The following ROBO1 variants were observed in gnomAD, a reference collection of about 807,000 sequenced individuals.
ROBO1 encodes the protein roundabout homolog 1.
Under a neutral mutation model 195.9 loss-of-function variants are expected in ROBO1, and 149 were observed. The ratio of observed to expected loss-of-function variants is 0.76; its 90% CI spans 0.67 to 0.87. The LOEUF is 0.87. Ranked by LOEUF, ROBO1 falls within the 40% of genes least tolerant of loss-of-function variation. ROBO1 has a pLI of 0.00. For missense variants in ROBO1, 1,933 were observed against 2,068.3 expected, an observed-to-expected ratio of 0.93 and a Z score of 1.27; for synonymous variants, 816 against 733.2, an observed-to-expected ratio of 1.11 and a Z score of -1.82.
intron 1 of ROBO1, among the ~76,000 whole-genome samples, chr3:79,608,018 T>C (rs920150608): frequency 2.0e-5 from 3 of 152,012 alleles, no homozygotes; most frequent in African/African-American, 7.2e-5. Context: ...ATTGATCAAT[T>C]AGTACGATTT....
intron 4 of ROBO1, among the ~76,000 whole-genome samples, chr3:78,853,228 G>A (rs926563391): frequency 3.1e-4 from 47 of 151,752 alleles, no homozygotes; most frequent in Non-Finnish European, 4.3e-4. Flanking sequence ...GTACGGGAGA[G>A]GTGATGGGAG....
chr3:79,738,920 G>A, intron 1 of ROBO1, among the ~76,000 whole-genome samples: 1 of 152,124 alleles, frequency 6.6e-6, no homozygotes, highest in East Asian at 1.9e-4. Flanking sequence ...ATAGAATGAT[G>A]TGCCAATTGC....
At chr3:78,655,465 G>A (rs895032196) in intron 18 of ROBO1, among the ~76,000 whole-genome samples, 1 of 152,220 alleles carries the variant, frequency 6.6e-6, no homozygotes, top group Non-Finnish European at 1.5e-5. Flanking sequence ...CACTTCAGAA[G>A]CCCCATGATA....
intron 2 of ROBO1, among the ~76,000 whole-genome samples, chr3:79,266,347 G>GCCAAT (rs1333217850): frequency 6.6e-6 from 1 of 151,560 alleles, no homozygotes; most frequent in Non-Finnish European, 1.5e-5. Flanking sequence ...GGAAAGTAAT[G>GCCAAT]CCAATTAAAA....
chr3:78,963,581 C>T (rs571941589), intron 3 of ROBO1, among the ~76,000 whole-genome samples: 1 of 126,776 alleles, frequency 7.9e-6, no homozygotes, highest in Non-Finnish European at 1.6e-5. Context: ...TGCAGTGGCG[C>T]GATCTCGGCT....
chr3:79,630,544 G>A (rs1255441899), intron 1 of ROBO1, among the ~76,000 whole-genome samples: 1 of 151,890 alleles, frequency 6.6e-6, no homozygotes, highest in Non-Finnish European at 1.5e-5. Context: ...TTGTGAATGG[G>A]AAAAATTTGA....
intron 1 of ROBO1, among the ~76,000 whole-genome samples, chr3:79,656,687 G>C (rs1946174244): frequency 6.6e-6 from 1 of 151,896 alleles, no homozygotes; most frequent in Non-Finnish European, 1.5e-5. Context: ...TTGAACCCAG[G>C]AGTTTGAGAC....
intron 8 of ROBO1, among the ~76,000 whole-genome samples, chr3:78,699,775 CCTT>C (rs1343861122): frequency 6.6e-6 from 1 of 151,952 alleles, no homozygotes; most frequent in African/African-American, 2.4e-5. Flanking sequence ...GCCCTACTGG[CCTT>C]CTTTCAGTCC....
intron 4 of ROBO1, among the ~76,000 whole-genome samples, chr3:78,856,203 C>T (rs148791290): frequency 6.7e-6 from 1 of 149,968 alleles, no homozygotes; most frequent in African/African-American, 2.5e-5. Flanking sequence ...TGTTTCTAGG[C>T]CTCATTATAC....
chr3:79,229,132 T>TA (rs1208672824), intron 2 of ROBO1, among the ~76,000 whole-genome samples: 1 of 152,182 alleles, frequency 6.6e-6, no homozygotes, highest in Non-Finnish European at 1.5e-5. Context: ...ACTTCCTTTC[T>TA]AAAAACAGCT....
At chr3:78,698,202 G>T (rs972041636) in intron 8 of ROBO1, among the ~76,000 whole-genome samples, 2 of 152,080 alleles carry the variant, frequency 1.3e-5, no homozygotes, top group African/African-American at 4.8e-5. Flanking sequence ...TCAAATACAA[G>T]AGCCCAAATT....
chr3:79,631,638 A>C (rs1462033467), intron 1 of ROBO1, among the ~76,000 whole-genome samples: 1 of 152,102 alleles, frequency 6.6e-6, no homozygotes, highest in African/African-American at 2.4e-5. Context: ...GACAAGTGGT[A>C]CTCAATTACT....
intron 2 of ROBO1, among the ~76,000 whole-genome samples, chr3:79,158,927 T>C (rs550218621): frequency 6.6e-6 from 1 of 152,080 alleles, no homozygotes; most frequent in South Asian, 2.1e-4. Flanking sequence ...CATTCCTATA[T>C]TTAAAATAGT....
intron 2 of ROBO1, among the ~76,000 whole-genome samples, chr3:79,574,065 G>A (rs1943367285): frequency 6.6e-6 from 1 of 152,044 alleles, no homozygotes; most frequent in South Asian, 2.1e-4. Context: ...ATTGTACAAT[G>A]AATATATCTT....
chr3:78,619,464 T>C (rs1290982248), intron 26 of ROBO1, among the ~76,000 whole-genome samples: 1 of 151,730 alleles, frequency 6.6e-6, no homozygotes, highest in Non-Finnish European at 1.5e-5. Context: ...ACCTCTCCTT[T>C]AGCACCCTTA....
At chr3:79,701,749 CAT>C (rs1199908850) in intron 1 of ROBO1, among the ~76,000 whole-genome samples, 1 of 151,660 alleles carries the variant, frequency 6.6e-6, no homozygotes, top group Non-Finnish European at 1.5e-5. Flanking sequence ...GTACATGTAA[CAT>C]ATGCAATGTA....
intron 1 of ROBO1, among the ~76,000 whole-genome samples, chr3:79,647,479 TA>T (rs888423122): frequency 1.3e-5 from 2 of 152,064 alleles, no homozygotes; most frequent in African/African-American, 4.8e-5. Flanking sequence ...GAGTTTATCT[TA>T]ATAATCTGGG....
chr3:78,856,067 A>T (rs889299068), intron 4 of ROBO1, among the ~76,000 whole-genome samples: 1 of 151,970 alleles, frequency 6.6e-6, no homozygotes, highest in African/African-American at 2.4e-5. Context: ...CTTTTTTTTC[A>T]AGCTTCAGAG....
intron 1 of ROBO1, among the ~76,000 whole-genome samples, chr3:79,661,264 A>G (rs1232368577): frequency 6.6e-6 from 1 of 152,076 alleles, no homozygotes; most frequent in Non-Finnish European, 1.5e-5. Context: ...TGACTGATTG[A>G]TGCAGAAAGA....
Sources: allele counts gnomAD v4.1 joint callset (sites outside exome capture counted in the v4.1 genomes callset), GRCh38; gene constraint gnomAD v4.1.1; transcripts MANE v1.5; gene names NCBI Gene and HGNC (gene_info 2026-07-23, HGNC 2026-07-21).